Variants in ACOT12 observed in about 807,000 individuals in gnomAD.
The protein encoded by ACOT12 is acetyl-coenzyme A thioesterase.
A neutral mutation model predicts 67.7 loss-of-function variants in ACOT12; 51 were observed. The ratio of observed to expected loss-of-function variants is 0.75; its 90% CI spans 0.60 to 0.95. The LOEUF (loss-of-function observed/expected upper bound fraction) is 0.95. Among genes scored for constraint, ACOT12 ranks in the 40% least tolerant of loss-of-function variants. ACOT12 has a pLI of 0.00. For synonymous variants in ACOT12, 251 were observed against 244.6 expected, an observed-to-expected ratio of 1.03 and a Z score of -0.24; for missense variants, 734 against 708.1, an observed-to-expected ratio of 1.04 and a Z score of -0.41.
intron 5 of ACOT12, among the ~76,000 whole-genome samples, chr5:81,354,332 T>C (rs756187213): frequency 3.3e-5 from 5 of 152,268 alleles, no homozygotes; most frequent in Non-Finnish European, 7.3e-5. Context: ...ATGACTGTCA[T>C]GTGTGCCTGT....
At chr5:81,322,149 G>A in the ACOT12 span, among the ~76,000 whole-genome samples, 2 of 152,078 alleles carry the variant, frequency 1.3e-5, no homozygotes, top group South Asian at 4.1e-4. Context: ...CAGAATCATT[G>A]AGGCTTTTCT....
intron 5 of ACOT12, among the ~76,000 whole-genome samples, chr5:81,352,331 A>G (rs1232785340): frequency 6.6e-6 from 1 of 152,246 alleles, no homozygotes; most frequent in Admixed American, 6.5e-5. Flanking sequence ...CCCTGTTCAC[A>G]ATAGCTAAAA....
Position 81,330,430 on chromosome 5 carries a change from C to T in ACOT12, c.1632G>A (p.Glu544=), listed in dbSNP as rs773600898. 6.2e-7 allele frequency: 1 copy of T among 1,613,708 alleles called. No homozygotes were observed. The highest frequency in any genetic ancestry group is 8.5e-7 in the Non-Finnish European group (1 of 1,179,898). The change falls in exon 15 of 15, where the codon GAG becomes GAA. Residue 544 remains glutamate, a synonymous_variant. Coordinates refer to ENST00000307624, the MANE Select transcript of ACOT12 (RefSeq NM_130767.3). ...ETAASCIQFL[E]NPPDDGFVST... is the part of the protein sequence containing the mutation. ...TTACAAACCCATCATCAGGAGGATTCTCTAAGAACTGTATACAAGAGGCTG... is the reference window on the plus strand; with the variant it reads ...TTACAAACCCATCATCAGGAGGATTTTCTAAGAACTGTATACAAGAGGCTG...
At chr5:81,332,424 T>A in intron 13 of ACOT12, 53 bp downstream of exon 13, 2 of 1,575,358 alleles carry the variant, frequency 1.3e-6, no homozygotes, top group Non-Finnish European at 1.7e-6. Context: ...AACTTTTAAT[T>A]TCTATCCTAT....
chr5:81,336,893 A>G (rs1448309548), intron 11 of ACOT12, among the ~76,000 whole-genome samples: 1 of 152,206 alleles, frequency 6.6e-6, no homozygotes, highest in Non-Finnish European at 1.5e-5. Context: ...GAAATTAACT[A>G]CAAGCTGCTC....
chr5:81,332,715 G>A, intron 12 of ACOT12, 110 bp from the exon 13 acceptor site: 1 of 1,305,476 alleles, frequency 7.7e-7, no homozygotes, highest in Non-Finnish European at 1.1e-6. Context: ...TGCCCCTTCA[G>A]CTCACCTAAT....
intron 9 of ACOT12, 121 bp downstream of exon 9, chr5:81,344,039 C>A: frequency 7.8e-7 from 1 of 1,277,202 alleles, no homozygotes. Context: ...CCTTTGCGGC[C>A]AGGAAACATC....
chr5:81,323,860 G>GTATATATGTGTATATATGTATA, the ACOT12 span, among the ~76,000 whole-genome samples: 1 of 101,878 alleles, frequency 9.8e-6, no homozygotes, highest in Non-Finnish European at 2.3e-5. Context: ...ACATGTATAT[G>GTATATATGTGTATATATGTATA]CATATGTATA....
At chr5:81,343,230 C>T (rs1329806752) in intron 10 of ACOT12, among the ~76,000 whole-genome samples, 1 of 150,226 alleles carries the variant, frequency 6.7e-6, no homozygotes, top group Non-Finnish European at 1.5e-5. Flanking sequence ...AAAACAAAAG[C>T]AAAAACGAAA....
chr5:81,381,424 A>G (rs912936856), intron 2 of ACOT12, among the ~76,000 whole-genome samples: 9 of 152,200 alleles, frequency 5.9e-5, no homozygotes, highest in African/African-American at 2.2e-4. Flanking sequence ...TATGCAGCAC[A>G]TAACTGCATA....
intron 4 of ACOT12, 144 bp downstream of exon 4, chr5:81,363,644 G>T: frequency 5.7e-6 from 3 of 530,242 alleles, no homozygotes; most frequent in Non-Finnish European, 9.6e-6. Flanking sequence ...GATAACTTTT[G>T]CAATAAATAT....
At chr5:81,351,959 A>G (rs1759565420) in intron 5 of ACOT12, among the ~76,000 whole-genome samples, 1 of 152,178 alleles carries the variant, frequency 6.6e-6, no homozygotes, top group African/African-American at 2.4e-5. Flanking sequence ...TTGAATAGAC[A>G]TTTCTCAAAA....
At chr5:81,359,196 C>T (rs1344803482) in intron 5 of ACOT12, among the ~76,000 whole-genome samples, 6 of 152,152 alleles carry the variant, frequency 3.9e-5, no homozygotes, top group Non-Finnish European at 8.8e-5. Flanking sequence ...GGGGCCTGGG[C>T]GGGCTCACTT....
the ACOT12 span, chr5:81,311,236 T>C: frequency 8.7e-6 from 14 of 1,614,134 alleles, no homozygotes; most frequent in Non-Finnish European, 1.2e-5. Flanking sequence ...TTTGTGGCTC[T>C]GTGGAACATT....
At chr5:81,318,152 G>T in the ACOT12 span, among the ~76,000 whole-genome samples, 3 of 152,044 alleles carry the variant, frequency 2.0e-5, no homozygotes, top group African/African-American at 7.2e-5. Context: ...CAAAGTGCTG[G>T]GATTACAGGT....
chr5:81,308,822 A>G, the ACOT12 span: 1 of 1,416,910 alleles, frequency 7.1e-7, no homozygotes, highest in Non-Finnish European at 9.5e-7. Flanking sequence ...GTATTTGGAA[A>G]TCATATGAGA....
chr5:81,308,789 A>G, the ACOT12 span: 4 of 1,527,282 alleles, frequency 2.6e-6, no homozygotes, highest in Non-Finnish European at 3.5e-6. Flanking sequence ...TTTTAACACA[A>G]TTTGTTACGA....
At chr5:81,327,333 T>A (rs1200565127), downstream of ACOT12, among the ~76,000 whole-genome samples, 1 of 152,122 alleles carries the variant, frequency 6.6e-6, no homozygotes, top group African/African-American at 2.4e-5. Flanking sequence ...TCTGATTCAT[T>A]TTCACATTTC....
chr5:81,340,111 C>T (rs1204622262), intron 11 of ACOT12, among the ~76,000 whole-genome samples: 1 of 151,640 alleles, frequency 6.6e-6, no homozygotes, highest in Non-Finnish European at 1.5e-5. Context: ...AATCTCGGCT[C>T]ACTGCAACCT....
Sources: allele counts gnomAD v4.1 joint callset (sites outside exome capture counted in the v4.1 genomes callset), GRCh38; gene constraint gnomAD v4.1.1; transcripts MANE v1.5; gene names NCBI Gene and HGNC (gene_info 2026-07-23, HGNC 2026-07-21).